The following CDH4 variants were observed in gnomAD, a reference collection of about 807,000 sequenced individuals.
CDH4 encodes cadherin 4.
Under a neutral mutation model 86.0 loss-of-function variants are expected in CDH4, and 33 were observed. That is an observed-to-expected ratio of 0.38 (90% confidence interval 0.29 to 0.51). CDH4 has a LOEUF of 0.51. Among genes scored for constraint, CDH4 ranks in the 20% least tolerant of loss-of-function variants. CDH4 has a pLI of 0.86. For missense variants in CDH4, 1,114 were observed against 1,307.4 expected (o/e 0.85, Z 2.28); for synonymous variants, 555 against 549.4 (o/e 1.01, Z -0.14).
intron 2 of CDH4, among the ~76,000 whole-genome samples, chr20:61,299,444 C>T (rs1002272614): frequency 6.6e-6 from 1 of 152,164 alleles, no homozygotes; most frequent in African/African-American, 2.4e-5. Flanking sequence ...TTATGGCAGC[C>T]ACGGGAAACT....
rs752286562 is a variant in CDH4, at chr20:61,933,012, T to A, written c.2267T>A (p.Met756Lys). 1 of 1,613,330 alleles carries A rather than the reference T, an allele frequency of 6.2e-7. No homozygotes were observed. Among genetic ancestry groups the A allele is most frequent in the South Asian group, 1.1e-5 (1 of 91,088 alleles). Residue 756 changes from methionine to lysine, a missense_variant, in exon 14 of 16, where the codon ATG becomes AAG. Coordinates refer to ENST00000614565, the MANE Select transcript of CDH4 (RefSeq NM_001794.5). Reference protein sequence around the residue: ...LTMVLLFVMWMKRREKERHTK... With the variant: ...LTMVLLFVMWKKRREKERHTK... ...ATGGTCCTGCTGTTTGTCATGTGGA[T>A]GAAGCGGCGAGAGAAGGAGCGCCAC...
chr20:61,288,715 C>T (rs1000786093), intron 2 of CDH4, among the ~76,000 whole-genome samples: 9 of 152,248 alleles, frequency 5.9e-5, no homozygotes, highest in Non-Finnish European at 8.8e-5. Flanking sequence ...CCAGACCTCA[C>T]AGCACATGAA....
intron 2 of CDH4, among the ~76,000 whole-genome samples, chr20:61,494,377 T>C (rs1397529195): frequency 2.0e-5 from 3 of 152,182 alleles, no homozygotes; most frequent in Non-Finnish European, 4.4e-5. Flanking sequence ...CATAAATGAA[T>C]CTTTATATTT....
intron 2 of CDH4, among the ~76,000 whole-genome samples, chr20:61,276,037 C>T (rs910959854): frequency 5.3e-5 from 8 of 152,136 alleles, no homozygotes; most frequent in Admixed American, 3.9e-4. Context: ...GTTCGTTATG[C>T]AGGAGCACTG....
Position 61,466,503 on chromosome 20 carries a change from T to C in CDH4, c.169+211566T>C, listed in dbSNP as rs112180494. Among the ~76,000 whole-genome samples the C allele has an allele frequency of 6.9e-3, 1,046 of 152,256 alleles. 11 individuals carry two copies. Among genetic ancestry groups the C allele is most frequent in the African/African-American group, 0.024 (990 of 41,558 alleles). On this transcript the variant is annotated intron_variant, in intron 2 of 15. Coordinates refer to ENST00000614565, the MANE Select transcript of CDH4 (RefSeq NM_001794.5). Reference sequence around the variant, plus strand: ...CTGGGACTGACAAACTTGTTTCTCATGTAAGAGGTTGCAGCACCCTCATTT... The same window carrying C: ...CTGGGACTGACAAACTTGTTTCTCACGTAAGAGGTTGCAGCACCCTCATTT...
rs2054841639 is a variant in CDH4, at chr20:61,910,702, G to C, written c.1374+95G>C. The C allele has an allele frequency of 5.6e-5, 65 of 1,164,710 alleles. No homozygotes were observed. The South Asian group carries it at 8.3e-4, about 15-fold the overall frequency. The allele number at this position is 1,164,710 out of a possible 1,614,324, so 72.1% of individuals were successfully genotyped here. On this transcript the variant is annotated intron_variant, in intron 9 of 15. Coordinates refer to ENST00000614565, the MANE Select transcript of CDH4 (RefSeq NM_001794.5). ...AAACAGGAGTGATACTCGGTGTAAAGTTACTGCCCCCCTAATATCCAAGGG... is the reference window on the plus strand; with the variant it reads ...AAACAGGAGTGATACTCGGTGTAAACTTACTGCCCCCCTAATATCCAAGGG...
Position 61,275,581 on chromosome 20 carries a change from G to A in CDH4, c.169+20644G>A, listed in dbSNP as rs182063307. Among the ~76,000 whole-genome samples, 46 of 135,182 alleles carry A rather than the reference G, an allele frequency of 3.4e-4. No homozygotes were observed. The East Asian group carries it at 0.01, about 31-fold the overall frequency. 88.7% of individuals were successfully genotyped at this position (135,182 alleles called of 152,430 possible). A position where few individuals can be genotyped will look rare whatever the true frequency, so the allele number is the denominator to read the frequency against. Reference sequence around the variant, plus strand: ...TGGGGGAGTACCCTGCGCAGTTTGGGGGAGTACCATGCGCAGTTTGGGAGA... The same window carrying A: ...TGGGGGAGTACCCTGCGCAGTTTGGAGGAGTACCATGCGCAGTTTGGGAGA... On this transcript the variant is annotated intron_variant, in intron 2 of 15. Transcript: ENST00000614565.
intron 2 of CDH4, among the ~76,000 whole-genome samples, chr20:61,319,805 T>G (rs1016973065): frequency 1.3e-5 from 2 of 149,976 alleles, no homozygotes; most frequent in Non-Finnish European, 3.0e-5. Context: ...AAAAACAAAA[T>G]TAACCAGGCG....
At chr20:61,651,747 G>T (rs1368083423) in intron 2 of CDH4, among the ~76,000 whole-genome samples, 1 of 152,312 alleles carries the variant, frequency 6.6e-6, no homozygotes, top group East Asian at 1.9e-4. Context: ...TTATTTTCTA[G>T]TGATATCGTG....
At chr20:61,280,618 T>C (rs1045847203) in intron 2 of CDH4, among the ~76,000 whole-genome samples, 2 of 152,110 alleles carry the variant, frequency 1.3e-5, no homozygotes, top group Admixed American at 1.3e-4. Flanking sequence ...GCTGGGGTAG[T>C]GATATAAAGT....
chr20:61,927,328 G>A (rs550015496), intron 11 of CDH4, among the ~76,000 whole-genome samples: 6 of 114,482 alleles, frequency 5.2e-5, no homozygotes, highest in African/African-American at 1.7e-4. Flanking sequence ...CCTGGGCTGA[G>A]GCAAGGACTG....
intron 2 of CDH4, among the ~76,000 whole-genome samples, chr20:61,274,486 A>G (rs2084213611): frequency 8.0e-6 from 1 of 124,512 alleles, no homozygotes; most frequent in Non-Finnish European, 1.6e-5. Context: ...TTAGGGGAGT[A>G]CCGTGTGCAG....
intron 2 of CDH4, among the ~76,000 whole-genome samples, chr20:61,602,114 G>A (rs1283135945): frequency 6.6e-6 from 1 of 152,172 alleles, no homozygotes; most frequent in African/African-American, 2.4e-5. Flanking sequence ...GGGGGCTGCT[G>A]GCGATGCTTT....
chr20:61,662,997 C>T (rs377677607), intron 2 of CDH4, among the ~76,000 whole-genome samples: 33 of 152,170 alleles, frequency 2.2e-4, no homozygotes, highest in African/African-American at 8.0e-4. Flanking sequence ...CTCCCCTCCC[C>T]ACAGGCACTG....
At chr20:61,797,046 G>A (rs1339839162) in intron 4 of CDH4, among the ~76,000 whole-genome samples, 4 of 151,184 alleles carry the variant, frequency 2.6e-5, no homozygotes, top group African/African-American at 9.8e-5. Flanking sequence ...GGGTAAGAGG[G>A]GGTGAGAGCT....
chr20:61,879,976 G>A lies in CDH4; in HGVS notation c.1050+6076G>A, dbSNP rs567548577. On this transcript the variant is annotated intron_variant, in intron 7 of 15. Coordinates refer to ENST00000614565, the MANE Select transcript of CDH4 (RefSeq NM_001794.5). This position sits in a 1 kb window ranked among gnomAD's most constrained non-coding sequence, Gnocchi z 4.1. ...AATTCGTGATCTCCTGGTCTGAAAG[G>A]ATTCTGGGGAAAGCAAAACCCACAC... is the stretch of plus-strand genomic sequence containing the variant. Among the ~76,000 whole-genome samples, 303 of 152,254 alleles carry A rather than the reference G, an allele frequency of 2.0e-3. 1 individual carries two copies. Among genetic ancestry groups the A allele is most frequent in the Non-Finnish European group, 1.2e-3 (81 of 68,030 alleles).
intron 4 of CDH4, 27 bp downstream of exon 4, chr20:61,773,209 C>T (rs113453136): frequency 3.3e-6 from 5 of 1,502,230 alleles, no homozygotes; most frequent in South Asian, 1.3e-5. Flanking sequence ...CCCGCGGGCA[C>T]GGGGGTCTCG....
intron 2 of CDH4, among the ~76,000 whole-genome samples, chr20:61,733,983 C>T (rs866972752): frequency 2.6e-5 from 4 of 152,258 alleles, no homozygotes; most frequent in Admixed American, 6.5e-5. Flanking sequence ...GGAAGCGGAG[C>T]GCATGTCACT....
At chr20:61,687,527 A>G (rs2087598591) in intron 2 of CDH4, among the ~76,000 whole-genome samples, 2 of 152,232 alleles carry the variant, frequency 1.3e-5, no homozygotes, top group South Asian at 4.1e-4. Flanking sequence ...TTTTAATTCC[A>G]TAAAACGACC....
Sources: allele counts gnomAD v4.1 joint callset (sites outside exome capture counted in the v4.1 genomes callset), GRCh38; gene constraint gnomAD v4.1.1; non-coding constraint Gnocchi (gnomAD v3.1); transcripts MANE v1.5; gene names NCBI Gene and HGNC (gene_info 2026-07-23, HGNC 2026-07-21).